The following ZNF385B variants were observed in gnomAD, a reference collection of about 807,000 sequenced individuals.
ZNF385B encodes the protein zinc finger protein 385B, also known as zinc finger protein 533.
ZNF385B carries 23 observed loss-of-function variants against 39.2 expected under a neutral mutation model. That is an observed-to-expected ratio of 0.59 (90% CI 0.42 to 0.83). ZNF385B has a LOEUF of 0.83. Among genes scored for constraint, ZNF385B ranks in the 40% least tolerant of loss-of-function variants. The probability of loss-of-function intolerance (pLI) is 0.00; values close to 1 mark genes in which losing one functional copy is unlikely to be tolerated. For synonymous variants in ZNF385B, 205 were observed against 222.6 expected, an observed-to-expected ratio of 0.92 and a Z score of 0.70; for missense variants, 552 against 598.9, an observed-to-expected ratio of 0.92 and a Z score of 0.82.
chr2:179,486,368 G>A (rs1175369177), intron 5 of ZNF385B, among the ~76,000 whole-genome samples: 1 of 152,064 alleles, frequency 6.6e-6, no homozygotes, highest in African/African-American at 2.4e-5. Context: ...AGAAGCCATG[G>A]TAGATATAAA....
At chr2:179,755,286 G>T (rs1274991354) in intron 3 of ZNF385B, among the ~76,000 whole-genome samples, 1 of 152,144 alleles carries the variant, frequency 6.6e-6, no homozygotes, top group Non-Finnish European at 1.5e-5. Flanking sequence ...ATTGCACTGT[G>T]GTCTGAGAGA....
chr2:179,514,913 G>A (rs1435249471), intron 5 of ZNF385B, among the ~76,000 whole-genome samples: 2 of 151,808 alleles, frequency 1.3e-5, no homozygotes, highest in African/African-American at 4.8e-5. Flanking sequence ...CAAGTAGCTG[G>A]GATTTCAGGT....
At position 179,701,069 on chromosome 2, in the gene ZNF385B, T is replaced by C. The variant is rs893581646; in HGVS notation, c.298+68434A>G. Among the ~76,000 whole-genome samples, 12 of 152,176 alleles carry C rather than the reference T, an allele frequency of 7.9e-5. No individual in the cohort carries two copies. In the South Asian group the frequency reaches 2.1e-3, roughly 26 times the overall value. On this transcript the variant is annotated intron_variant, in intron 3 of 9. Transcript: ENST00000410066. ...AAAAAACACTCATTGGTATCATCTATATCATGTTTATTTTTCAGAACTAAA... is the reference window on the plus strand; with the variant it reads ...AAAAAACACTCATTGGTATCATCTACATCATGTTTATTTTTCAGAACTAAA...
rs938257490 is a variant in ZNF385B, at chr2:179,562,481, A to G, written c.299-17512T>C. On this transcript the variant is annotated intron_variant, in intron 3 of 9. Coordinates refer to ENST00000410066, the MANE Select transcript of ZNF385B (RefSeq NM_152520.6). ...GTTACATTTAAAAGTAAATAATTCC[A>G]TCATCTCAACCTGGTGCTCCCGTGA... The G allele has an allele frequency of 8.7e-5, 86 of 985,366 alleles. 1 individual carries two copies. In the African/African-American group the frequency reaches 1.3e-3, roughly 14 times the overall value. The allele number at this position is 985,366 out of a possible 1,614,324, so 61.0% of individuals were successfully genotyped here.
chr2:179,493,815 A>ATG (rs1203805115), intron 5 of ZNF385B, among the ~76,000 whole-genome samples: 125 of 49,258 alleles, frequency 2.5e-3, no homozygotes, highest in East Asian at 9.4e-3. Flanking sequence ...ATATACATAT[A>ATG]TATATAGCAG....
chr2:179,631,728 T>C (rs183342909), intron 3 of ZNF385B, among the ~76,000 whole-genome samples: 34 of 152,078 alleles, frequency 2.2e-4, no homozygotes, highest in African/African-American at 7.5e-4. Flanking sequence ...GACTGGCAAA[T>C]TGGATAAAGA....
intron 3 of ZNF385B, among the ~76,000 whole-genome samples, chr2:179,652,925 G>T (rs1012817875): frequency 6.6e-6 from 1 of 150,688 alleles, no homozygotes; most frequent in Non-Finnish European, 1.5e-5. Context: ...TTTAGGCAGG[G>T]AAAAAAAAAT....
chr2:179,469,130 A>G (rs532871142), intron 6 of ZNF385B, among the ~76,000 whole-genome samples: 6 of 152,250 alleles, frequency 3.9e-5, no homozygotes, highest in Admixed American at 2.6e-4. Flanking sequence ...TGCTCTGCCT[A>G]TGGAGTAGCC....
rs138647272 is a variant in ZNF385B, at chr2:179,549,283, A to C, written c.299-4314T>G. On this transcript the variant is annotated intron_variant, in intron 3 of 9. Coordinates refer to ENST00000410066, the MANE Select transcript of ZNF385B (RefSeq NM_152520.6). Reference sequence around the variant, plus strand: ...ACAATGCTACTTTGAATATTCATGTACAAGTTCTTATGTGGATATATGTTT... The same window carrying C: ...ACAATGCTACTTTGAATATTCATGTCCAAGTTCTTATGTGGATATATGTTT... Among the ~76,000 whole-genome samples the C allele has an allele frequency of 1.3e-4, 19 of 149,720 alleles. 5 individuals carry two copies. Among genetic ancestry groups the C allele is most frequent in the African/African-American group, 4.3e-4 (17 of 39,860 alleles).
chr2:179,594,608 C>T (rs1195387386), intron 3 of ZNF385B, among the ~76,000 whole-genome samples: 1 of 152,116 alleles, frequency 6.6e-6, no homozygotes. Flanking sequence ...ACTAAAACTA[C>T]CATCACTGCT....
At chr2:179,785,150 A>T (rs772778118) in intron 1 of ZNF385B, among the ~76,000 whole-genome samples, 5 of 152,114 alleles carry the variant, frequency 3.3e-5, no homozygotes, top group Non-Finnish European at 7.4e-5. Context: ...TACATAAAGC[A>T]TGAAAACATG....
In ZNF385B at chr2:179,762,813, T is replaced by C. The variant is rs958847092; in HGVS notation, c.298+6690A>G. ...GGTAGAATTCTCCACTGAAACCATA[T>C]GAATCCAGAAATTTGTTTTTCAAGT... On this transcript the variant is annotated intron_variant, in intron 3 of 9. Transcript: ENST00000410066. Among the ~76,000 whole-genome samples the C allele has an allele frequency of 2.6e-5, 4 of 152,238 alleles. No homozygotes were observed. In the East Asian group the frequency reaches 5.8e-4, roughly 22 times the overall value.
At chr2:179,503,500 T>A (rs899041243) in intron 5 of ZNF385B, among the ~76,000 whole-genome samples, 6 of 152,246 alleles carry the variant, frequency 3.9e-5, no homozygotes, top group African/African-American at 1.4e-4. Flanking sequence ...CTTCCACATA[T>A]TCAAATTTTA....
chr2:179,631,986 C>T lies in ZNF385B; in HGVS notation c.299-87017G>A, dbSNP rs762506881. Among the ~76,000 whole-genome samples, 42 of 152,174 alleles carry T rather than the reference C, an allele frequency of 2.8e-4. 1 individual carries two copies. The highest frequency in any genetic ancestry group is 1.0e-3 in the South Asian group (5 of 4,818). ...TGGTAAAGGGATCAATTCAACAAGA[C>T]GAGCTAACTATCCTAAATATATATG... On this transcript the variant is annotated intron_variant, in intron 3 of 9. Transcript: ENST00000410066.
chr2:179,580,132 C>A (rs1327996007), intron 3 of ZNF385B, among the ~76,000 whole-genome samples: 2 of 152,100 alleles, frequency 1.3e-5, no homozygotes, highest in Non-Finnish European at 2.9e-5. Flanking sequence ...ACTGCACCAT[C>A]CCAATCATTT....
chr2:179,856,042 G>T (rs143680333), intron 1 of ZNF385B, among the ~76,000 whole-genome samples: 1 of 152,180 alleles, frequency 6.6e-6, no homozygotes, highest in Non-Finnish European at 1.5e-5. Flanking sequence ...GGCTGGAAAG[G>T]GGGAGATTTT....
intron 3 of ZNF385B, among the ~76,000 whole-genome samples, chr2:179,635,806 A>G (rs965574192): frequency 6.6e-6 from 1 of 152,270 alleles, no homozygotes; most frequent in African/African-American, 2.4e-5. Context: ...TATGAGAAAG[A>G]TAATTCAGTC....
At chr2:179,582,190 G>C (rs991004562) in intron 3 of ZNF385B, among the ~76,000 whole-genome samples, 2 of 152,132 alleles carry the variant, frequency 1.3e-5, no homozygotes, top group Non-Finnish European at 2.9e-5. Context: ...AGAGAGAAAA[G>C]ACTAATTTAT....
chr2:179,645,989 T>A (rs1438234886), intron 3 of ZNF385B, among the ~76,000 whole-genome samples: 1 of 152,214 alleles, frequency 6.6e-6, no homozygotes, highest in Non-Finnish European at 1.5e-5. Context: ...TCTGTCTCCT[T>A]CTTTCCATTG....
Sources: gnomAD v4.1 joint callset for allele counts (sites outside exome capture counted in the v4.1 genomes callset) on GRCh38, gnomAD v4.1.1 for gene constraint, MANE v1.5 for transcripts, NCBI Gene and HGNC (gene_info 2026-07-23, HGNC 2026-07-21) for gene names.